LRP1B: variants seen among roughly 807,000 people sequenced by gnomAD.
The protein encoded by LRP1B is LDL receptor related protein 1B.
LRP1B carries 217 observed loss-of-function variants against 556.6 expected under a neutral mutation model. The observed-to-expected ratio is 0.39, with a 90% confidence interval of 0.35 to 0.44. The LOEUF is 0.44. Among genes scored for constraint, LRP1B ranks in the 20% least tolerant of loss-of-function variants. The pLI is 1.00. For synonymous variants in LRP1B, 2,047 were observed against 1,865.8 expected, an observed-to-expected ratio of 1.10 and a Z score of -2.50; for missense variants, 5,053 against 5,620.8, an observed-to-expected ratio of 0.90 and a Z score of 3.23.
rs1277773772 is a variant in LRP1B, at chr2:140,514,583, G to T, written c.8269+70C>A. On this transcript the variant is annotated intron_variant, in intron 51 of 90. Transcript: ENST00000389484. ...ATTTTAATAAATTAGCAAATTTTGT[G>T]TATGCTATAAAATGATAGAGCATAT... 14 of 1,371,670 alleles carry T rather than the reference G, an allele frequency of 1.0e-5. No homozygotes were observed. In the South Asian group the frequency reaches 2.3e-4, roughly 22 times the overall value. 85.0% of individuals were successfully genotyped at this position (1,371,670 alleles called of 1,614,324 possible).
At chr2:141,728,685 C>A (rs1341058099) in intron 2 of LRP1B, among the ~76,000 whole-genome samples, 2 of 152,050 alleles carry the variant, frequency 1.3e-5, no homozygotes, top group Non-Finnish European at 2.9e-5. Context: ...CTCCTAGTAG[C>A]ATCACTATTA....
At chr2:140,604,199 C>T (rs1348931275) in intron 41 of LRP1B, among the ~76,000 whole-genome samples, 1 of 150,918 alleles carries the variant, frequency 6.6e-6, no homozygotes, top group Non-Finnish European at 1.5e-5. Context: ...CAGTAAAAAT[C>T]CTGTCTCCTT....
chr2:141,009,423 C>G (rs888510554), intron 14 of LRP1B, among the ~76,000 whole-genome samples: 1 of 151,838 alleles, frequency 6.6e-6, no homozygotes, highest in Non-Finnish European at 1.5e-5. Context: ...GAATCAGATG[C>G]TCCTTGAAGA....
intron 1 of LRP1B, among the ~76,000 whole-genome samples, chr2:142,123,191 C>T (rs1338731321): frequency 6.6e-6 from 1 of 151,960 alleles, no homozygotes; most frequent in Non-Finnish European, 1.5e-5. Context: ...CACAAAGCAA[C>T]CATAACTAAG....
At chr2:140,907,554 G>C (rs1212850854) in intron 22 of LRP1B, among the ~76,000 whole-genome samples, 1 of 152,066 alleles carries the variant, frequency 6.6e-6, no homozygotes, top group Non-Finnish European at 1.5e-5. Flanking sequence ...AGTTTTCCTT[G>C]TTCTGAGGGA....
intron 41 of LRP1B, among the ~76,000 whole-genome samples, chr2:140,614,652 G>T (rs1287333444): frequency 6.6e-6 from 1 of 152,098 alleles, no homozygotes; most frequent in Non-Finnish European, 1.5e-5. Context: ...GATGGCTGGA[G>T]AGAAAAATTT....
intron 7 of LRP1B, among the ~76,000 whole-genome samples, chr2:141,098,441 G>A (rs1700374617): frequency 6.6e-6 from 1 of 152,138 alleles, no homozygotes; most frequent in Non-Finnish European, 1.5e-5. Flanking sequence ...TTATGTAAAA[G>A]TAAGTAATGG....
chr2:140,950,585 A>G (rs1419678433), intron 19 of LRP1B, among the ~76,000 whole-genome samples, 183 bp from the exon 20 acceptor site: 1 of 152,022 alleles, frequency 6.6e-6, no homozygotes, highest in African/African-American at 2.4e-5. Context: ...CTGGGGCTCA[A>G]ATGATACTCC....
At chr2:141,753,262 C>CTATATATATA (rs70994451) in intron 2 of LRP1B, among the ~76,000 whole-genome samples, 1 of 36,172 alleles carries the variant, frequency 2.8e-5, no homozygotes, top group Non-Finnish European at 6.5e-5. Context: ...CTCTCTCTCT[C>CTATATATATA]CATATATATA....
chr2:140,239,619 C>T, intron 87 of LRP1B, 87 bp from the exon 88 acceptor site: 1 of 766,554 alleles, frequency 1.3e-6, no homozygotes, highest in Non-Finnish European at 2.1e-6. Context: ...TACCAAATCA[C>T]TTGACCATTG....
Position 141,639,174 on chromosome 2 carries a change from G to A in LRP1B, c.206-158641C>T, listed in dbSNP as rs1324037118. ...CAAATAGTTCACCAAATGGAGCTTC[G>A]GGAAACACACTGGAGGCCGACACCA... is the stretch of plus-strand genomic sequence containing the variant. On this transcript the variant is annotated intron_variant, in intron 2 of 90. Transcript: ENST00000389484. 4.3e-5 allele frequency among the ~76,000 whole-genome samples: 6 copies of A among 140,082 alleles called. No individual in the cohort carries two copies. In the East Asian group the frequency reaches 6.4e-4, roughly 15 times the overall value. The allele number at this position is 140,082 out of a possible 152,430, so 91.9% of individuals were successfully genotyped here.
chr2:141,723,158 C>A (rs988352908), intron 2 of LRP1B, among the ~76,000 whole-genome samples: 2 of 151,932 alleles, frequency 1.3e-5, no homozygotes, highest in Non-Finnish European at 1.5e-5. Context: ...AGTGCTCTCC[C>A]AGTCTGATTT....
chr2:140,888,126 C>G (rs1573845777), intron 23 of LRP1B, among the ~76,000 whole-genome samples: 2 of 152,102 alleles, frequency 1.3e-5, no homozygotes, highest in South Asian at 4.1e-4. Flanking sequence ...TCACTGTTAA[C>G]AGTCCAGGTT....
intron 2 of LRP1B, among the ~76,000 whole-genome samples, chr2:141,804,718 G>A (rs1160174996): frequency 6.6e-6 from 1 of 151,960 alleles, no homozygotes; most frequent in Non-Finnish European, 1.5e-5. Context: ...AAGGCAGATG[G>A]GGTATAGAGT....
intron 60 of LRP1B, among the ~76,000 whole-genome samples, chr2:140,467,697 T>A (rs1687606692): frequency 6.7e-6 from 1 of 149,018 alleles, no homozygotes; most frequent in Non-Finnish European, 1.5e-5. Flanking sequence ...CCCTCATGAG[T>A]GAAACTGACA....
chr2:140,350,839 C>A lies in LRP1B; in HGVS notation c.11850G>T (p.Arg3950Ser), dbSNP rs372686162. 3 of 1,611,128 alleles carry A rather than the reference C, an allele frequency of 1.9e-6. No homozygotes were observed. Among genetic ancestry groups the A allele is most frequent in the Non-Finnish European group, 1.7e-6 (2 of 1,178,504 alleles). Residue 3950 changes from arginine (R) to serine (S), a missense_variant, in exon 77 of 91, where the codon AGG becomes AGT. Coordinates refer to ENST00000389484, the MANE Select transcript of LRP1B (RefSeq NM_018557.3). ...QFNPGGIFYK[R>S]IHGREKRQAN... ...CTTGCCTTTTTTCTCTGCCATGGAT[C>A]CTTTTGTAGAAAATTCCGCCTGGAT...
intron 18 of LRP1B, among the ~76,000 whole-genome samples, chr2:140,955,737 A>G (rs2105308121): frequency 6.6e-6 from 1 of 151,772 alleles, no homozygotes; most frequent in East Asian, 1.9e-4. Context: ...TCTTTCTCTC[A>G]AGGGTAATCG....
intron 1 of LRP1B, among the ~76,000 whole-genome samples, chr2:141,900,017 T>G (rs957492913): frequency 1.3e-5 from 2 of 152,032 alleles, no homozygotes; most frequent in African/African-American, 2.4e-5. Context: ...ATGAACACGC[T>G]CTCTGGAATT....
intron 1 of LRP1B, among the ~76,000 whole-genome samples, chr2:141,841,446 T>C (rs897438240): frequency 2.6e-5 from 4 of 152,170 alleles, no homozygotes; most frequent in Non-Finnish European, 5.9e-5. Context: ...ATATTTTTCC[T>C]TCATAATGCT....
Sources: gnomAD v4.1 joint callset for allele counts (sites outside exome capture counted in the v4.1 genomes callset) on GRCh38, gnomAD v4.1.1 for gene constraint, MANE v1.5 for transcripts, NCBI Gene and HGNC (gene_info 2026-07-23, HGNC 2026-07-21) for gene names.